SCML4: variants seen among roughly 807,000 people sequenced by gnomAD.
SCML4 encodes sex comb on midleg-like protein 4.
SCML4 carries 34 observed loss-of-function variants against 41.1 expected under a neutral mutation model. That is an observed-to-expected ratio of 0.83 (90% CI 0.63 to 1.10). SCML4 has a LOEUF of 1.10. Among genes scored for constraint, SCML4 ranks in the 50% least tolerant of loss-of-function variants. The pLI, the probability that SCML4 is intolerant of heterozygous loss-of-function variation, is 0.00. For missense variants in SCML4, 522 were observed against 534.1 expected, an observed-to-expected ratio of 0.98 and a Z score of 0.22; for synonymous variants, 214 against 220.9, an observed-to-expected ratio of 0.97 and a Z score of 0.28.
In SCML4 at chr6:107,744,931, A is replaced by T; in HGVS notation, c.682+18T>A. 1 of 1,554,814 alleles carries T rather than the reference A, an allele frequency of 6.4e-7. No individual in the cohort carries two copies. On this transcript the variant is annotated intron_variant, in intron 5 of 7. Transcript: ENST00000369020. The stretch of plus-strand genomic sequence containing the variant: ...AGGGAGGTGTCCCTGCAGGTGGGGG[A>T]AGCAGGACAAGGCCTACCTGATTCC...
chr6:107,789,119 G>A (rs1318020164), intron 1 of SCML4, among the ~76,000 whole-genome samples: 11 of 152,158 alleles, frequency 7.2e-5, no homozygotes, highest in African/African-American at 2.7e-4. Flanking sequence ...TGTTGGTTCC[G>A]CAGGCTTCAC....
chr6:107,775,193 C>G (rs1236164131), intron 1 of SCML4, among the ~76,000 whole-genome samples: 2 of 152,180 alleles, frequency 1.3e-5, no homozygotes, highest in African/African-American at 4.8e-5. Flanking sequence ...TAGTTGTTGA[C>G]ACACTTGCAC....
In SCML4 at chr6:107,702,223, A is replaced by C. The variant is rs1182710001; in HGVS notation, c.*2977T>G. 6.6e-6 allele frequency among the ~76,000 whole-genome samples: 1 copy of C among 152,214 alleles called. No homozygotes were observed. The highest frequency in any genetic ancestry group is 1.5e-5 in the Non-Finnish European group (1 of 68,032). On this transcript the variant is annotated 3_prime_UTR_variant, in exon 8 of 8. Coordinates refer to ENST00000369020, the MANE Select transcript of SCML4 (RefSeq NM_198081.5). ...TTTAAAAAGTCAAACCTTAAATATCATGGCTTCAGCAATCTGTCCTGCTTA... is the reference window on the plus strand; with the variant it reads ...TTTAAAAAGTCAAACCTTAAATATCCTGGCTTCAGCAATCTGTCCTGCTTA...
rs533821987 is a variant in SCML4, at chr6:107,796,394, G to A, written c.-59-24008C>T. 3.3e-5 allele frequency among the ~76,000 whole-genome samples: 5 copies of A among 152,278 alleles called. No homozygotes were observed. The South Asian group carries it at 8.3e-4, about 25-fold the overall frequency. ...TTAATTTGCAATTCCTGTATTATTA[G>A]AGATGCTGAGCCCGTTTTTATGTGT... On this transcript the variant is annotated intron_variant, in intron 1 of 7. Coordinates refer to ENST00000369020, the MANE Select transcript of SCML4 (RefSeq NM_198081.5).
chr6:107,728,349 G>A (rs1027297245), intron 5 of SCML4, among the ~76,000 whole-genome samples: 1 of 152,184 alleles, frequency 6.6e-6, no homozygotes, highest in Non-Finnish European at 1.5e-5. Context: ...CGTGGCTCAT[G>A]CCTGTAATCC....
chr6:107,745,279 G>A, intron 4 of SCML4, 136 bp from the exon 5 acceptor site: 1 of 647,926 alleles, frequency 1.5e-6, no homozygotes, highest in Non-Finnish European at 2.6e-6. Context: ...TCACCTGTTT[G>A]TTCACAATGT....
intron 1 of SCML4, among the ~76,000 whole-genome samples, chr6:107,812,908 C>T (rs1403710421): frequency 6.6e-6 from 1 of 151,542 alleles, no homozygotes; most frequent in African/African-American, 2.4e-5. Context: ...CACACACACA[C>T]ACACACATAC....
intron 1 of SCML4, among the ~76,000 whole-genome samples, chr6:107,802,889 G>A (rs1308207003): frequency 2.0e-5 from 3 of 151,866 alleles, no homozygotes; most frequent in Admixed American, 6.6e-5. Context: ...GATTGCAGTC[G>A]CGCGCCGCCA....
intron 5 of SCML4, among the ~76,000 whole-genome samples, chr6:107,725,809 C>T (rs760178374): frequency 5.9e-5 from 9 of 152,122 alleles, no homozygotes; most frequent in Non-Finnish European, 5.9e-5. Flanking sequence ...GCACTGGGCA[C>T]GGTGGCTCAT....
intron 1 of SCML4, among the ~76,000 whole-genome samples, chr6:107,797,340 G>A (rs1317897198): frequency 3.9e-5 from 6 of 152,086 alleles, no homozygotes; most frequent in Middle Eastern, 3.4e-3. Flanking sequence ...TGGTGTAGAC[G>A]TCTTGCACAT....
rs1773405846 is a variant in SCML4, at chr6:107,704,336, C to G, written c.*864G>C. On this transcript the variant is annotated 3_prime_UTR_variant, in exon 8 of 8. Transcript: ENST00000369020. ...TGGAAGGGAAGGAACTCCAAAGTCC[C>G]ATCTGGGTAGAGCGTGCTTCCAAAT... 6.6e-6 allele frequency: 1 copy of G among 152,218 alleles called. No homozygotes were observed. Among genetic ancestry groups the G allele is most frequent in the Admixed American group, 6.5e-5 (1 of 15,278 alleles). The allele number at this position is 152,218 out of a possible 1,614,324, so 9.4% of individuals were successfully genotyped here. A position where few individuals can be genotyped will look rare whatever the true frequency, so the allele number is the denominator to read the frequency against.
chr6:107,708,499 G>C (rs915768454), intron 6 of SCML4, among the ~76,000 whole-genome samples: 1 of 152,162 alleles, frequency 6.6e-6, no homozygotes, highest in Non-Finnish European at 1.5e-5. Context: ...AGAGGATAGA[G>C]GCATGGTAGA....
At chr6:107,721,083 A>C in intron 5 of SCML4, 90 bp from the exon 6 acceptor site, 9 of 1,459,810 alleles carry the variant, frequency 6.2e-6, no homozygotes, top group Non-Finnish European at 8.2e-6. Flanking sequence ...CTGCCCTGCC[A>C]ACACAGTAGC....
chr6:107,811,340 C>T (rs1784145666), intron 1 of SCML4, among the ~76,000 whole-genome samples: 1 of 152,146 alleles, frequency 6.6e-6, no homozygotes, highest in African/African-American at 2.4e-5. Flanking sequence ...ATAAATACAA[C>T]TTGTTTTTGT....
chr6:107,725,342 T>A (rs1775857190), intron 5 of SCML4, among the ~76,000 whole-genome samples: 1 of 152,144 alleles, frequency 6.6e-6, no homozygotes, highest in Non-Finnish European at 1.5e-5. Context: ...TAAAAATTTT[T>A]TAAAAAAATA....
intron 1 of SCML4, among the ~76,000 whole-genome samples, chr6:107,813,369 A>G (rs1205774616): frequency 3.6e-5 from 3 of 82,804 alleles, no homozygotes; most frequent in African/African-American, 1.4e-4. Flanking sequence ...TCTCAAAAAA[A>G]TTATATATAT....
rs1036336582 is a variant in SCML4, at chr6:107,704,199, A to T, written c.*1001T>A. The T allele has an allele frequency of 1.3e-5, 2 of 152,240 alleles. No homozygotes were observed. The highest frequency in any genetic ancestry group is 2.9e-5 in the Non-Finnish European group (2 of 68,046). 9.4% of individuals were successfully genotyped at this position (152,240 alleles called of 1,614,324 possible). ...TGTAACTAGAAATCAACACTCTCCC[A>T]TTTCAAAGCTTCGTTGAGACATTTT... On this transcript the variant is annotated 3_prime_UTR_variant, in exon 8 of 8. Coordinates refer to ENST00000369020, the MANE Select transcript of SCML4 (RefSeq NM_198081.5).
chr6:107,781,660 A>G (rs1781506802), intron 1 of SCML4, among the ~76,000 whole-genome samples: 1 of 149,142 alleles, frequency 6.7e-6, no homozygotes, highest in East Asian at 2.0e-4. Flanking sequence ...ACAGAGTATG[A>G]CCCTGTCTCA....
rs555793027 is a variant in SCML4, at chr6:107,800,039, G to A, written c.-60+24087C>T. Among the ~76,000 whole-genome samples the A allele has an allele frequency of 2.4e-4, 36 of 151,538 alleles. No individual in the cohort carries two copies. The South Asian group carries it at 7.1e-3, about 30-fold the overall frequency. ...GTTTTGTTTTGTTGTTTTGAGATGG[G>A]GGGGTCTGAATTTGTTCCCCATGCT... On this transcript the variant is annotated intron_variant, in intron 1 of 7. Coordinates refer to ENST00000369020, the MANE Select transcript of SCML4 (RefSeq NM_198081.5).
Sources: gnomAD v4.1 joint callset for allele counts (sites outside exome capture counted in the v4.1 genomes callset) on GRCh38, gnomAD v4.1.1 for gene constraint, MANE v1.5 for transcripts, NCBI Gene and HGNC (gene_info 2026-07-23, HGNC 2026-07-21) for gene names.